FARP2: variants seen among roughly 807,000 people sequenced by gnomAD.
FARP2 encodes the protein FERM, ARHGEF and pleckstrin domain-containing protein 2.
Under a neutral mutation model 130.5 loss-of-function variants are expected in FARP2, and 111 were observed. The ratio of observed to expected loss-of-function variants is 0.85; its 90% CI spans 0.73 to 1.00. The LOEUF (loss-of-function observed/expected upper bound fraction) is 1.00, where lower values mean the gene tolerates loss of function less well. Among genes scored for constraint, FARP2 ranks in the 50% least tolerant of loss-of-function variants. FARP2 has a pLI of 0.00. For synonymous variants in FARP2, 504 were observed against 516.9 expected (o/e 0.98, Z 0.34); for missense variants, 1,385 against 1,346.3 (o/e 1.03, Z -0.45).
At chr2:241,473,539 C>A (rs1454198569) in intron 18 of FARP2, among the ~76,000 whole-genome samples, 1 of 152,228 alleles carries the variant, frequency 6.6e-6, no homozygotes, top group African/African-American at 2.4e-5. Context: ...CCTGAGCTTC[C>A]AGCAGCTGCC....
chr2:241,457,455 GGGT>G (rs2063884649), intron 14 of FARP2, among the ~76,000 whole-genome samples: 1 of 131,064 alleles, frequency 7.6e-6, no homozygotes, highest in Non-Finnish European at 1.7e-5. Context: ...TGCTAAGGGA[GGGT>G]ACACTAGGGA....
chr2:241,478,959 C>A, intron 19 of FARP2: 1 of 415,070 alleles, frequency 2.4e-6, no homozygotes, highest in South Asian at 3.2e-5. Flanking sequence ...AGAAAGAAGG[C>A]CAAGATTTTG....
intron 2 of FARP2, among the ~76,000 whole-genome samples, chr2:241,390,395 C>T (rs1275179942): frequency 6.6e-6 from 1 of 152,248 alleles, no homozygotes; most frequent in African/African-American, 2.4e-5. Context: ...GCTACAGCCC[C>T]TCTCCTAGGT....
intron 17 of FARP2, chr2:241,465,967 A>G (rs2150481615): frequency 7.1e-7 from 1 of 1,410,192 alleles, no homozygotes; most frequent in East Asian, 2.6e-5. Context: ...AGAAAGTTCT[A>G]CTTATCCCAA....
chr2:241,433,398 A>C (rs1185801700), intron 9 of FARP2, among the ~76,000 whole-genome samples: 1 of 152,238 alleles, frequency 6.6e-6, no homozygotes, highest in Non-Finnish European at 1.5e-5. Context: ...CTAGGAATTT[A>C]TCCTAAGGAA....
At chr2:241,431,981 C>T (rs957196495) in intron 9 of FARP2, among the ~76,000 whole-genome samples, 1 of 151,988 alleles carries the variant, frequency 6.6e-6, no homozygotes, top group Non-Finnish European at 1.5e-5. Flanking sequence ...GCCACCACAC[C>T]TGGCTAATTT....
chr2:241,376,227 A>G (rs1331248096), intron 2 of FARP2, among the ~76,000 whole-genome samples: 1 of 152,132 alleles, frequency 6.6e-6, no homozygotes, highest in Admixed American at 6.5e-5. Flanking sequence ...AAACGTTCTC[A>G]GTCCAGAAGT....
chr2:241,446,122 T>C (rs2063508602), intron 13 of FARP2: 1 of 152,238 alleles, frequency 6.6e-6, no homozygotes, highest in African/African-American at 2.4e-5. Context: ...ATTTCAAGTC[T>C]AACAGTAGCA....
intron 1 of FARP2, among the ~76,000 whole-genome samples, chr2:241,358,061 C>T (rs778791880): frequency 2.0e-5 from 3 of 152,078 alleles, no homozygotes; most frequent in Non-Finnish European, 4.4e-5. Context: ...TGGTGGCGCA[C>T]GCCTGTAATC....
At chr2:241,394,699 A>G (rs2061988567) in intron 2 of FARP2, among the ~76,000 whole-genome samples, 1 of 152,238 alleles carries the variant, frequency 6.6e-6, no homozygotes, top group South Asian at 2.1e-4. Context: ...AAAGTACATT[A>G]TGGAAAATAT....
In FARP2 at chr2:241,431,694, A is replaced by G. The variant is rs1012419064; in HGVS notation, c.787A>G (p.Asn263Asp). Reference sequence around the variant, plus strand: ...TGCATTTCAGGGCACCACCAAAATCAACACTTTCAACTGGTCCAAGGTCCG... The same window carrying G: ...TGCATTTCAGGGCACCACCAAAATCGACACTTTCAACTGGTCCAAGGTCCG... ...VLVFQGTTKI[N>D]TFNWSKVRKL... The change falls in exon 9 of 27, where the codon AAC (asparagine) becomes GAC (aspartate). Residue 263 changes from asparagine to aspartate, a missense_variant. Transcript: ENST00000264042. 6.3e-7 allele frequency: 1 copy of G among 1,587,612 alleles called. No homozygotes were observed.
chr2:241,401,596 C>T lies in FARP2; in HGVS notation c.184-2232C>T, dbSNP rs547330998. On this transcript the variant is annotated intron_variant, in intron 2 of 26. Coordinates refer to ENST00000264042, the MANE Select transcript of FARP2 (RefSeq NM_014808.4). ...CCGTCTGATCTTGAACTCCAGGCCT[C>T]AAGCAATCCTCCTCCCTCAGGTTGC... 7.8e-4 allele frequency among the ~76,000 whole-genome samples: 118 copies of T among 152,236 alleles called. 1 individual carries two copies. Among genetic ancestry groups the T allele is most frequent in the African/African-American group, 2.5e-3 (103 of 41,548 alleles).
intron 2 of FARP2, among the ~76,000 whole-genome samples, chr2:241,402,278 AAGTGGCTGTTTCTCAC>A (rs2062189237): frequency 6.6e-6 from 1 of 152,208 alleles, no homozygotes; most frequent in Non-Finnish European, 1.5e-5. Flanking sequence ...CACTCTGTGA[AAGTGGCTGTTTCTCAC>A]AGACACACCA....
Position 241,431,644 on chromosome 2 carries a change from A to G in FARP2, c.772-35A>G, listed in dbSNP as rs780763108. On this transcript the variant is annotated intron_variant, in intron 8 of 26. Transcript: ENST00000264042. ...TCATGAGAAAGGGGTTATGTGCCAG[A>G]TACAAATGTAATCTGTCTGTCTCTT... The G allele has an allele frequency of 9.3e-6, 10 of 1,072,920 alleles. No individual in the cohort carries two copies. The Admixed American group carries it at 1.2e-4, about 13-fold the overall frequency. The allele number at this position is 1,072,920 out of a possible 1,614,324, so 66.5% of individuals were successfully genotyped here. A position where few individuals can be genotyped will look rare whatever the true frequency, so the allele number is the denominator to read the frequency against.
At position 241,463,897 on chromosome 2, in the gene FARP2, A is replaced by G. The variant is rs750720732; in HGVS notation, c.1812-2A>G. On this transcript the variant is annotated splice_acceptor_variant, in intron 16 of 26. Transcript: ENST00000264042. LOFTEE classifies it high-confidence loss of function. ...AGGATGACTTTGTTTCTTTTTACTCAGGGAAGGGCCCTCCAAAGCCCACAC... is the reference window on the plus strand; with the variant it reads ...AGGATGACTTTGTTTCTTTTTACTCGGGGAAGGGCCCTCCAAAGCCCACAC... The G allele has an allele frequency of 6.2e-7, 1 of 1,613,206 alleles. No individual in the cohort carries two copies.
At chr2:241,413,458 C>T in intron 7 of FARP2, 37 bp downstream of exon 7, 1 of 1,333,128 alleles carries the variant, frequency 7.5e-7, no homozygotes, top group African/African-American at 1.4e-5. Context: ...ACATTGTCAC[C>T]ACAGTAATGA....
intron 20 of FARP2, 123 bp from the exon 21 acceptor site, chr2:241,484,119 A>C (rs2064694354): frequency 5.4e-6 from 8 of 1,474,750 alleles, no homozygotes; most frequent in Non-Finnish European, 6.3e-6. Flanking sequence ...CCTTTCTGCC[A>C]AAAATCTCCA....
At chr2:241,388,292 G>A (rs553098531) in intron 2 of FARP2, among the ~76,000 whole-genome samples, 40 of 152,310 alleles carry the variant, frequency 2.6e-4, no homozygotes, top group African/African-American at 9.1e-4. Context: ...ATGGTTAATT[G>A]ATATTTTCAA....
At chr2:241,452,276 C>G (rs2063680220) in intron 13 of FARP2, among the ~76,000 whole-genome samples, 1 of 152,184 alleles carries the variant, frequency 6.6e-6, no homozygotes, top group African/African-American at 2.4e-5. Flanking sequence ...GTGTTGGTGA[C>G]TTCAGCTAAA....
Sources: allele counts gnomAD v4.1 joint callset (sites outside exome capture counted in the v4.1 genomes callset), GRCh38; gene constraint gnomAD v4.1.1; transcripts MANE v1.5; gene names NCBI Gene and HGNC (gene_info 2026-07-23, HGNC 2026-07-21).